Variants in BCL11A observed in about 807,000 individuals in gnomAD.
BCL11A encodes BCL11 transcription factor A, also known as B cell CLL/lymphoma 11A.
A neutral mutation model predicts 55.9 loss-of-function variants in BCL11A; 2 were observed. The observed-to-expected ratio is 0.04, with a 90% CI of 0.01 to 0.11. BCL11A has a LOEUF of 0.11. BCL11A is among the 10% of genes least tolerant of loss of function. BCL11A has a pLI of 1.00. For synonymous variants in BCL11A, 465 were observed against 473.4 expected (o/e 0.98, Z 0.23); for missense variants, 817 against 1,137.1 (o/e 0.72, Z 4.05).
intron 2 of BCL11A, among the ~76,000 whole-genome samples, chr2:60,497,346 T>A (rs1006410807): frequency 6.6e-6 from 1 of 152,206 alleles, no homozygotes; most frequent in Non-Finnish European, 1.5e-5. Flanking sequence ...CAAGTCAGAT[T>A]TTTCAGAATA....
chr2:60,541,287 T>A (rs1669915999), intron 2 of BCL11A, among the ~76,000 whole-genome samples: 1 of 152,228 alleles, frequency 6.6e-6, no homozygotes, highest in African/African-American at 2.4e-5. Flanking sequence ...AAGGGTAATG[T>A]CTGAAGAAGT....
At chr2:60,544,290 C>T (rs1670056001) in intron 2 of BCL11A, 1 of 152,202 alleles carries the variant, frequency 6.6e-6, no homozygotes, top group South Asian at 2.1e-4. Context: ...GACGACAAAT[C>T]CCCTTCCGCC....
intron 2 of BCL11A, among the ~76,000 whole-genome samples, chr2:60,501,901 C>T (rs1051509591): frequency 1.3e-5 from 2 of 152,026 alleles, no homozygotes; most frequent in African/African-American, 2.4e-5. Context: ...TATATCAGCC[C>T]CTCTGCCTCT....
At chr2:60,506,338 C>A (rs1165862644) in intron 2 of BCL11A, among the ~76,000 whole-genome samples, 1 of 152,248 alleles carries the variant, frequency 6.6e-6, no homozygotes, top group East Asian at 1.9e-4. Flanking sequence ...ACATCTAATG[C>A]CACCAGGCCC....
At chr2:60,479,016 C>T (rs559281896) in intron 2 of BCL11A, among the ~76,000 whole-genome samples, 7 of 151,822 alleles carry the variant, frequency 4.6e-5, no homozygotes, top group South Asian at 4.2e-4. Context: ...TTTCCTAATC[C>T]TTCATTTATA....
At chr2:60,496,026 A>G (rs1353762762) in intron 2 of BCL11A, among the ~76,000 whole-genome samples, 1 of 152,232 alleles carries the variant, frequency 6.6e-6, no homozygotes, top group African/African-American at 2.4e-5. Flanking sequence ...AACCAAAGAG[A>G]AGGGATCCAG....
chr2:60,502,946 C>T (rs1260633574), intron 2 of BCL11A, among the ~76,000 whole-genome samples: 1 of 152,208 alleles, frequency 6.6e-6, no homozygotes, highest in East Asian at 1.9e-4. Context: ...GAAGACACAG[C>T]CAGACTTCTT....
At chr2:60,530,747 C>G (rs1669415205) in intron 2 of BCL11A, among the ~76,000 whole-genome samples, 1 of 151,810 alleles carries the variant, frequency 6.6e-6, no homozygotes, top group African/African-American at 2.4e-5. Context: ...CTGACACGCT[C>G]TCATCTAAAG....
chr2:60,512,390 G>C (rs1680034542), intron 2 of BCL11A, among the ~76,000 whole-genome samples: 1 of 152,100 alleles, frequency 6.6e-6, no homozygotes, highest in Middle Eastern at 3.2e-3. Context: ...AGCTTTCCTG[G>C]CTGCACATCT....
At chr2:60,463,532 G>C (rs1056041569) in intron 3 of BCL11A, among the ~76,000 whole-genome samples, 6 of 152,158 alleles carry the variant, frequency 3.9e-5, no homozygotes, top group African/African-American at 1.4e-4. Flanking sequence ...TCTGGAGAGG[G>C]GCCCTGCTTA....
At chr2:60,547,512 A>C (rs755398168) in intron 1 of BCL11A, among the ~76,000 whole-genome samples, 10,697 of 107,336 alleles carry the variant, frequency 0.1, 492 homozygotes, top group Middle Eastern at 0.15. Flanking sequence ...TTGCTCTATC[A>C]AAAAAAAAAA....
rs1247368727 is a variant in BCL11A at position 60,545,652 on chromosome 2, T to G, written c.385+319A>C. The G allele has an allele frequency of 2.3e-5, 7 of 305,986 alleles. No homozygotes were observed. In the East Asian group the frequency reaches 5.5e-4, roughly 24 times the overall value. 19.0% of individuals were successfully genotyped at this position (305,986 alleles called of 1,614,324 possible). ...AATGGACAATGGAAGCTGGACTAGG[T>G]GTAGTAAAGCTCAATACTTCAAAAT... On this transcript the variant is annotated intron_variant, in intron 2 of 3. Coordinates refer to ENST00000642384, the MANE Select transcript of BCL11A (RefSeq NM_022893.4).
In BCL11A at chr2:60,459,676, G is replaced by A; in HGVS notation, c.*728C>T. On this transcript the variant is annotated 3_prime_UTR_variant, in exon 4 of 4. Transcript: ENST00000642384. ...ATCGATGTGGTTTTAATAGATCCAA[G>A]GCACTCATATTTTAAAACCAAATGA... 1 of 1,034,194 alleles carries A rather than the reference G, an allele frequency of 9.7e-7. No individual in the cohort carries two copies. The highest frequency in any genetic ancestry group is 1.2e-6 in the Non-Finnish European group (1 of 859,270). The allele number at this position is 1,034,194 out of a possible 1,614,324, so 64.1% of individuals were successfully genotyped here. A position where few individuals can be genotyped will look rare whatever the true frequency, so the allele number is the denominator to read the frequency against.
intron 2 of BCL11A, chr2:60,537,508 T>G (rs1470361366): frequency 1.3e-5 from 2 of 152,254 alleles, no homozygotes; most frequent in Non-Finnish European, 2.9e-5. Context: ...TTTGGTTCTC[T>G]TAGTTTTTTG....
At chr2:60,488,662 T>C (rs912011834) in intron 2 of BCL11A, among the ~76,000 whole-genome samples, 4 of 152,206 alleles carry the variant, frequency 2.6e-5, no homozygotes, top group African/African-American at 9.7e-5. Flanking sequence ...ATGAAAATAA[T>C]AACAAAAAAT....
intron 2 of BCL11A, among the ~76,000 whole-genome samples, chr2:60,506,459 C>T (rs1432223633): frequency 6.6e-6 from 1 of 152,248 alleles, no homozygotes; most frequent in Admixed American, 6.5e-5. Flanking sequence ...CCCGAGCGCA[C>T]CAGTCCTCAG....
At chr2:60,501,259 A>G (rs1045981433) in intron 2 of BCL11A, among the ~76,000 whole-genome samples, 7 of 152,222 alleles carry the variant, frequency 4.6e-5, no homozygotes, top group African/African-American at 1.7e-4. Context: ...GCTACTTGCC[A>G]GAACAAAATG....
chr2:60,476,121 C>T (rs1388853914), intron 2 of BCL11A, among the ~76,000 whole-genome samples: 1 of 152,198 alleles, frequency 6.6e-6, no homozygotes, highest in African/African-American at 2.4e-5. Context: ...CCAGGATACA[C>T]CTGTTCCCCT....
chr2:60,461,047 A>G lies in BCL11A; in HGVS notation c.1865T>C (p.Leu622Pro), dbSNP rs1172636366. The G allele has an allele frequency of 2.5e-6, 4 of 1,606,888 alleles. No individual in the cohort carries two copies. Among genetic ancestry groups the G allele is most frequent in the South Asian group, 1.1e-5 (1 of 90,758 alleles). The change falls in exon 4 of 4, where the codon CTG becomes CCG. Residue 622 changes from leucine (L) to proline (P), a missense_variant. This residue lies in a region of BCL11A where 379 missense variants were observed against 425.3 expected (regional missense o/e 0.89). Coordinates refer to ENST00000642384, the MANE Select transcript of BCL11A (RefSeq NM_022893.4). ...GCTCAGCGAGCTGGGGCTGCCCAGC[A>G]GCAGCTTTTTGGACAGGCCCCCCGA... ...SASGGLSKKLLLGSPSSLSPF... is the reference protein window; with the variant it reads ...SASGGLSKKLPLGSPSSLSPF...
Sources: gnomAD v4.1 joint callset for allele counts (sites outside exome capture counted in the v4.1 genomes callset) on GRCh38, gnomAD v4.1.1 for gene constraint, gnomAD v4.1.1 regional missense constraint, MANE v1.5 for transcripts, NCBI Gene and HGNC (gene_info 2026-07-23, HGNC 2026-07-21) for gene names.